The following DDX6 variants were observed in gnomAD, a reference collection of about 807,000 sequenced individuals.
The protein encoded by DDX6 is probable ATP-dependent RNA helicase DDX6.
A neutral mutation model predicts 60.6 loss-of-function variants in DDX6; 7 were observed. That is an observed-to-expected ratio of 0.12 (90% CI 0.07 to 0.22). DDX6 has a LOEUF of 0.22. Ranked by LOEUF, DDX6 falls within the 10% of genes least tolerant of loss-of-function variation. DDX6 has a pLI of 1.00. For missense variants in DDX6, 270 were observed against 589.9 expected (o/e 0.46, Z 5.62); for synonymous variants, 207 against 201.0 (o/e 1.03, Z -0.25).
At chr11:118,783,964 A>G (rs1861989099) in intron 2 of DDX6, among the ~76,000 whole-genome samples, 1 of 151,352 alleles carries the variant, frequency 6.6e-6, no homozygotes, top group African/African-American at 2.4e-5. Context: ...GGTGCATGCC[A>G]GTAGTCCCCA....
At chr11:118,773,608 G>A (rs546524744) in intron 4 of DDX6, among the ~76,000 whole-genome samples, 2 of 151,812 alleles carry the variant, frequency 1.3e-5, no homozygotes, top group Non-Finnish European at 2.9e-5. Context: ...ACAACCTATG[G>A]TTACTCCAGA....
rs1438535818 is a variant in DDX6 at position 118,776,419 on chromosome 11, G to A, written c.369+3213C>T. On this transcript the variant is annotated intron_variant, in intron 4 of 13. Coordinates refer to ENST00000534980, the MANE Select transcript of DDX6 (RefSeq NM_004397.6). ...TAATCTGGGCAGTTCCCTACACCAA[G>A]TTCACCTGCAGACATGAGTTACCTA... Among the ~76,000 whole-genome samples, 6 of 152,132 alleles carry A rather than the reference G, an allele frequency of 3.9e-5. No homozygotes were observed. The East Asian group carries it at 1.2e-3, about 29-fold the overall frequency.
Position 118,752,034 on chromosome 11 carries a change from A to C in DDX6, c.*71T>G, listed in dbSNP as rs1860792310. ...TAAAAGATGAAAAACCCACAAAGAG[A>C]GGAGCATTCCCCCCAAAACGATGTG... On this transcript the variant is annotated 3_prime_UTR_variant, in exon 14 of 14. Coordinates refer to ENST00000534980, the MANE Select transcript of DDX6 (RefSeq NM_004397.6). 1 of 297,326 alleles carries C rather than the reference A, an allele frequency of 3.4e-6. No homozygotes were observed. Among genetic ancestry groups the C allele is most frequent in the South Asian group, 2.9e-5 (1 of 34,802 alleles). The allele number at this position is 297,326 out of a possible 1,614,324, so 18.4% of individuals were successfully genotyped here. A position where few individuals can be genotyped will look rare whatever the true frequency, so the allele number is the denominator to read the frequency against.
chr11:118,765,490 C>A, intron 5 of DDX6, 135 bp from the exon 6 acceptor site: 1 of 911,044 alleles, frequency 1.1e-6, no homozygotes, highest in Non-Finnish European at 1.7e-6. Flanking sequence ...CCTGTAACTG[C>A]ACCTTATGAT....
rs1555160663 is a variant in DDX6 at position 118,763,312 on chromosome 11, C to T, written c.647-6G>A. ...GGTAGCAATCACCACGTGCACTATGCAAGATTTAGAAAACATACATTCTCA... is the reference window on the plus strand; with the variant it reads ...GGTAGCAATCACCACGTGCACTATGTAAGATTTAGAAAACATACATTCTCA... On this transcript the variant is annotated splice_polypyrimidine_tract_variant and splice_region_variant and intron_variant, in intron 6 of 13. Transcript: ENST00000534980. The T allele has an allele frequency of 6.2e-7, 1 of 1,601,028 alleles. No homozygotes were observed. Among genetic ancestry groups the T allele is most frequent in the Non-Finnish European group, 8.6e-7 (1 of 1,169,324 alleles).
At chr11:118,760,896 T>G (rs1405881741) in intron 7 of DDX6, among the ~76,000 whole-genome samples, 1 of 150,326 alleles carries the variant, frequency 6.7e-6, no homozygotes, top group South Asian at 2.1e-4. Context: ...TCCCAGCACT[T>G]TGGGAGGACC....
At chr11:118,761,996 C>A (rs531459578) in intron 7 of DDX6, among the ~76,000 whole-genome samples, 67 of 151,958 alleles carry the variant, frequency 4.4e-4, no homozygotes, top group Admixed American at 3.6e-3. Context: ...CAAACCAGGC[C>A]GGGCGTGGTG....
At chr11:118,776,718 C>T (rs895108639) in intron 4 of DDX6, among the ~76,000 whole-genome samples, 3 of 151,660 alleles carry the variant, frequency 2.0e-5, no homozygotes, top group Non-Finnish European at 4.4e-5. Context: ...CTGTAGTCCC[C>T]GCTATTCGGG....
At chr11:118,766,086 A>G (rs1861344760) in intron 5 of DDX6, among the ~76,000 whole-genome samples, 1 of 152,052 alleles carries the variant, frequency 6.6e-6, no homozygotes, top group Non-Finnish European at 1.5e-5. Flanking sequence ...AAAAAAAAAG[A>G]AAAGAAACAC....
At chr11:118,782,488 G>A (rs782322068) in intron 2 of DDX6, among the ~76,000 whole-genome samples, 3 of 151,624 alleles carry the variant, frequency 2.0e-5, no homozygotes, top group Non-Finnish European at 4.4e-5. Context: ...TTTCACTGCA[G>A]CTGTTCTTAC....
intron 4 of DDX6, among the ~76,000 whole-genome samples, chr11:118,770,883 CAAAA>C (rs369951350): frequency 2.1e-5 from 2 of 95,530 alleles, no homozygotes; most frequent in South Asian, 2.7e-4. Context: ...CTCAGTCTCA[CAAAA>C]AAAAAAAAAA....
At chr11:118,783,339 C>T (rs1326152376) in intron 2 of DDX6, among the ~76,000 whole-genome samples, 11 of 152,114 alleles carry the variant, frequency 7.2e-5, no homozygotes, top group Non-Finnish European at 1.5e-4. Context: ...TGCAGTGGTG[C>T]GATCATAGCT....
At chr11:118,761,501 A>G (rs1413078986) in intron 7 of DDX6, among the ~76,000 whole-genome samples, 2 of 2,754 alleles carry the variant, frequency 7.3e-4, no homozygotes, top group Non-Finnish European at 1.3e-3. Context: ...CTGTAATCCC[A>G]GCTACTCGGG....
intron 1 of DDX6, chr11:118,788,806 T>A (rs1388242302): frequency 1.3e-5 from 2 of 151,820 alleles, no homozygotes; most frequent in Non-Finnish European, 2.9e-5. Flanking sequence ...CCTCATGCCT[T>A]AGCCTCCCAA....
intron 13 of DDX6, 135 bp downstream of exon 13, chr11:118,754,570 A>T: frequency 1.4e-6 from 1 of 711,390 alleles, no homozygotes; most frequent in Non-Finnish European, 2.3e-6. Flanking sequence ...GATATTATTT[A>T]CTGTCATTTA....
chr11:118,759,993 GAAT>G lies in DDX6; in HGVS notation c.790_792del (p.Ile264del). 6.2e-7 allele frequency: 1 copy of G among 1,613,550 alleles called. No individual in the cohort carries two copies. Among genetic ancestry groups the G allele is most frequent in the Non-Finnish European group, 8.5e-7 (1 of 1,179,694 alleles). ...ATCTGCCTGTTTTTAGGTAGCGTGAGAATAATATCCTCCATTATCTGCACAAAA... is the reference window on the plus strand; with the variant it reads ...ATCTGCCTGTTTTTAGGTAGCGTGAGAATATCCTCCATTATCTGCACAAAA... On this transcript the variant is annotated inframe_deletion, in exon 8 of 14. Coordinates refer to ENST00000534980, the MANE Select transcript of DDX6 (RefSeq NM_004397.6).
chr11:118,755,314 G>A (rs1253299111), intron 12 of DDX6, 88 bp downstream of exon 12: 7 of 758,394 alleles, frequency 9.2e-6, no homozygotes, highest in Non-Finnish European at 1.6e-5. Flanking sequence ...CATAGCTACT[G>A]TACTCTATTT....
intron 12 of DDX6, 102 bp from the exon 13 acceptor site, chr11:118,754,989 G>A: frequency 1.0e-6 from 1 of 1,001,344 alleles, no homozygotes. Context: ...TGATAATGAT[G>A]TTCAGTGCCA....
intron 5 of DDX6, among the ~76,000 whole-genome samples, chr11:118,766,521 G>GA (rs1244946865): frequency 1.3e-5 from 2 of 152,126 alleles, no homozygotes; most frequent in Admixed American, 1.3e-4. Context: ...ATCTCTTTAT[G>GA]AAAAGAGAAC....
Sources: allele counts gnomAD v4.1 joint callset (sites outside exome capture counted in the v4.1 genomes callset), GRCh38; gene constraint gnomAD v4.1.1; transcripts MANE v1.5; gene names NCBI Gene and HGNC (gene_info 2026-07-23, HGNC 2026-07-21).